XPC: variants seen among roughly 807,000 people sequenced by gnomAD.
The protein encoded by XPC is XPC complex subunit, DNA damage recognition and repair factor, also known as DNA repair protein complementing XP-C cells.
A neutral mutation model predicts 95.8 loss-of-function variants in XPC; 76 were observed. The observed-to-expected ratio is 0.79, with a 90% confidence interval of 0.66 to 0.96. The LOEUF (loss-of-function observed/expected upper bound fraction) is 0.96. Among genes scored for constraint, XPC ranks in the 40% least tolerant of loss-of-function variants. XPC has a pLI of 0.00. For missense variants in XPC, 1,146 were observed against 1,179.8 expected, an observed-to-expected ratio of 0.97 and a Z score of 0.42; for synonymous variants, 442 against 442.1, an observed-to-expected ratio of 1.00 and a Z score of 0.00.
intron 14 of XPC, 138 bp from the exon 15 acceptor site, chr3:14,147,517 C>T: frequency 1.2e-6 from 1 of 844,200 alleles, no homozygotes; most frequent in Non-Finnish European, 1.8e-6. Context: ...CCAAGTCTCA[C>T]TTCCAAAAAA....
intron 10 of XPC, 35 bp downstream of exon 10, chr3:14,156,300 G>A (rs747918870): frequency 2.1e-5 from 33 of 1,588,986 alleles, no homozygotes; most frequent in Admixed American, 1.1e-4. Context: ...ATGCCATCAG[G>A]AAGCCCCTGA....
intron 7 of XPC, 150 bp downstream of exon 7, chr3:14,164,663 C>A: frequency 1.4e-6 from 1 of 727,706 alleles, no homozygotes. Context: ...CATCATGTAG[C>A]TATTCTGGGC....
At chr3:14,174,057 G>T (rs1009743594) in intron 1 of XPC, among the ~76,000 whole-genome samples, 2 of 152,056 alleles carry the variant, frequency 1.3e-5, no homozygotes, top group Admixed American at 6.5e-5. Flanking sequence ...AGGGAAAAAA[G>T]ACTCTCCCTT....
intron 10 of XPC, among the ~76,000 whole-genome samples, chr3:14,155,108 C>G (rs1695849232): frequency 6.6e-6 from 1 of 152,140 alleles, no homozygotes; most frequent in Non-Finnish European, 1.5e-5. Context: ...CTGCCCCTGC[C>G]CAGGGCATCA....
intron 9 of XPC, 105 bp downstream of exon 9, chr3:14,157,906 T>A: frequency 6.9e-7 from 1 of 1,445,688 alleles, no homozygotes; most frequent in Non-Finnish European, 9.2e-7. Flanking sequence ...AGACAACCCA[T>A]TAAAAACACC....
At chr3:14,174,716 TA>T (rs1696745145) in intron 1 of XPC, among the ~76,000 whole-genome samples, 1 of 152,162 alleles carries the variant, frequency 6.6e-6, no homozygotes, top group Non-Finnish European at 1.5e-5. Flanking sequence ...AGAAAAACGA[TA>T]TATGATGTAA....
At chr3:14,148,389 G>A (rs1695535234) in intron 13 of XPC, 173 bp downstream of exon 13, 1 of 889,592 alleles carries the variant, frequency 1.1e-6, no homozygotes, top group African/African-American at 1.7e-5. Context: ...GTTCCCTCTG[G>A]AGGGAAGCCA....
At chr3:14,178,398 C>G in intron 1 of XPC, 68 bp downstream of exon 1, 6 of 1,509,846 alleles carry the variant, frequency 4.0e-6, no homozygotes, top group Non-Finnish European at 5.3e-6. Context: ...TGGACTCCCG[C>G]CCTGCCTCTG....
In XPC at chr3:14,170,465, T is replaced by C; in HGVS notation, c.385A>G (p.Ser129Gly). The C allele has an allele frequency of 1.2e-6, 2 of 1,613,872 alleles. No homozygotes were observed. Among genetic ancestry groups the C allele is most frequent in the Non-Finnish European group, 1.7e-6 (2 of 1,179,762 alleles). ...TCAACCTCTTCCCAATCATTTTCAC[T>C]TTCTTCCTCTTCTTCATTGCTGTCT... The part of the protein sequence containing the change: ...NEDSNEEEEE[S>G]ENDWEEVEEL... Residue 129 changes from serine to glycine, a missense_variant, in exon 3 of 16, where the codon AGT (serine) becomes GGT (glycine). By Grantham distance (56) the Ser-to-Gly change is moderately conservative. Coordinates refer to ENST00000285021, the MANE Select transcript of XPC (RefSeq NM_004628.5).
intron 1 of XPC, 82 bp from the exon 2 acceptor site, chr3:14,173,144 G>T: frequency 7.4e-7 from 1 of 1,352,828 alleles, no homozygotes; most frequent in Non-Finnish European, 9.8e-7. Flanking sequence ...GCATAAAACG[G>T]CTCTATGACC....
chr3:14,145,808 C>G lies in XPC; in HGVS notation c.*133G>C. 8.7e-7 allele frequency: 1 copy of G among 1,145,258 alleles called. No individual in the cohort carries two copies. The highest frequency in any genetic ancestry group is 1.5e-5 in the African/African-American group (1 of 65,080). 70.9% of individuals were successfully genotyped at this position (1,145,258 alleles called of 1,614,324 possible). On this transcript the variant is annotated 3_prime_UTR_variant, in exon 16 of 16. Transcript: ENST00000285021. ...GCCTCGTCTCCCCTGACCCCGCCTC[C>G]GTGCATGCTGCCTCAGTTTGCCTTC...
intron 13 of XPC, 54 bp downstream of exon 13, chr3:14,148,508 G>C (rs1032634922): frequency 6.3e-7 from 1 of 1,594,272 alleles, no homozygotes; most frequent in Non-Finnish European, 8.5e-7. Flanking sequence ...CCCATCTCTG[G>C]AGCCACCCCT....
rs2125009781 is a variant in XPC at position 14,148,708 on chromosome 3, A to G, written c.2274T>C (p.Asn758=). 6.2e-7 allele frequency: 1 copy of G among 1,614,030 alleles called. No homozygotes were observed. Among genetic ancestry groups the G allele is most frequent in the Non-Finnish European group, 8.5e-7 (1 of 1,179,890 alleles). The stretch of plus-strand genomic sequence containing the variant: ...TCATGCTGGGCAGGAAGAGGTACAC[A>G]TTCCCAAACTCGTTCCGGGGCACCT... The part of the protein sequence containing the change: ...DGKVPRNEFG[N]VYLFLPSMMP... The change falls in exon 13 of 16, where the codon AAT becomes AAC. Residue 758 remains asparagine (N), a synonymous_variant. Transcript: ENST00000285021.
chr3:14,175,927 G>A (rs1696797396), intron 1 of XPC, among the ~76,000 whole-genome samples: 1 of 152,186 alleles, frequency 6.6e-6, no homozygotes, highest in Admixed American at 6.5e-5. Flanking sequence ...CTGACTGCTA[G>A]CTCCTCTGGC....
At chr3:14,169,640 A>G (rs1206308791) in intron 3 of XPC, among the ~76,000 whole-genome samples, 2 of 152,194 alleles carry the variant, frequency 1.3e-5, no homozygotes, top group Non-Finnish European at 2.9e-5. Context: ...CGTAGGTGTG[A>G]TGAGGTCATT....
At chr3:14,171,385 A>G (rs573576718) in intron 2 of XPC, among the ~76,000 whole-genome samples, 25 of 152,208 alleles carry the variant, frequency 1.6e-4, no homozygotes, top group Non-Finnish European at 2.8e-4. Flanking sequence ...TAGAATGAAC[A>G]TAGCAGAAAT....
In XPC at chr3:14,173,026, A is replaced by G; in HGVS notation, c.140T>C (p.Leu47Pro). The G allele has an allele frequency of 6.2e-7, 1 of 1,605,918 alleles. No homozygotes were observed. The highest frequency in any genetic ancestry group is 8.5e-7 in the Non-Finnish European group (1 of 1,176,294). The change falls in exon 2 of 16, where the codon CTT (leucine) becomes CCT (proline). Residue 47 changes from leucine (L) to proline (P), a missense_variant. Transcript: ENST00000285021. ...FEDEKPPKKS[L>P]LSKVSQGKRK... ...CTTTCCTTGTGAAACTTTGGAGAGA[A>G]GGCTCTTCTTTGGGGGTTTCTCATC... is the stretch of plus-strand genomic sequence containing the variant.
At chr3:14,159,612 G>T in intron 8 of XPC, 129 bp downstream of exon 8, 1 of 937,096 alleles carries the variant, frequency 1.1e-6, no homozygotes, top group Non-Finnish European at 1.7e-6. Context: ...CACAGGGTAT[G>T]TGCAAGGCTC....
rs748362135 is a variant in XPC at position 14,145,790 on chromosome 3, C to T, written c.*151G>A. 3 of 967,330 alleles carry T rather than the reference C, an allele frequency of 3.1e-6. No homozygotes were observed. Among genetic ancestry groups the T allele is most frequent in the Non-Finnish European group, 3.2e-6 (2 of 628,168 alleles). The allele number at this position is 967,330 out of a possible 1,614,324, so 59.9% of individuals were successfully genotyped here. A position where few individuals can be genotyped will look rare whatever the true frequency, so the allele number is the denominator to read the frequency against. ...CAGCACCTCCTCAGCTTGGCCTCGTCTCCCCTGACCCCGCCTCCGTGCATG... is the reference window on the plus strand; with the variant it reads ...CAGCACCTCCTCAGCTTGGCCTCGTTTCCCCTGACCCCGCCTCCGTGCATG... On this transcript the variant is annotated 3_prime_UTR_variant, in exon 16 of 16. Transcript: ENST00000285021.
Sources: gnomAD v4.1 joint callset for allele counts (sites outside exome capture counted in the v4.1 genomes callset) on GRCh38, gnomAD v4.1.1 for gene constraint, MANE v1.5 for transcripts, NCBI Gene and HGNC (gene_info 2026-07-23, HGNC 2026-07-21) for gene names.